Variants in RPAP2 observed in about 807,000 individuals in gnomAD.
RPAP2 encodes the protein RNA polymerase II associated protein 2, also known as putative RNA polymerase II subunit B1 CTD phosphatase RPAP2.
RPAP2 carries 52 observed loss-of-function variants against 73.1 expected under a neutral mutation model. That is an observed-to-expected ratio of 0.71 (90% CI 0.57 to 0.90). The LOEUF (loss-of-function observed/expected upper bound fraction) is 0.90, where lower values mean the gene tolerates loss of function less well. RPAP2 is among the 40% of genes least tolerant of loss of function. The pLI is 0.00. For synonymous variants in RPAP2, 225 were observed against 242.1 expected (o/e 0.93, Z 0.65); for missense variants, 598 against 701.8 (o/e 0.85, Z 1.67).
chr1:92,373,769 A>AAAG (rs1655271978), intron 11 of RPAP2, among the ~76,000 whole-genome samples: 1 of 145,776 alleles, frequency 6.9e-6, no homozygotes, highest in Non-Finnish European at 1.5e-5. Flanking sequence ...AAAAAAAAAA[A>AAAG]AGTAGCCAGG....
At chr1:92,332,149 C>CT (rs1553152142) in intron 8 of RPAP2, among the ~76,000 whole-genome samples, 1 of 151,458 alleles carries the variant, frequency 6.6e-6, no homozygotes, top group Non-Finnish European at 1.5e-5. Flanking sequence ...CTCTTAATCT[C>CT]CTTTGTGCTT....
intron 10 of RPAP2, among the ~76,000 whole-genome samples, chr1:92,340,753 A>G (rs1653550089): frequency 6.6e-6 from 1 of 152,148 alleles, no homozygotes. Context: ...CAGTGAATAG[A>G]GCTGTCTTTT....
Position 92,389,723 on chromosome 1 carries a change from A to G in RPAP2, c.*2712A>G, listed in dbSNP as rs1655981538. ...AAATGACCTGATGGAGCTGAAAACC[A>G]CAGTACGGGAACTTCGTGAAGCATA... On this transcript the variant is annotated 3_prime_UTR_variant, in exon 13 of 13. Transcript: ENST00000610020. The G allele has an allele frequency of 6.6e-6, 1 of 152,232 alleles. No homozygotes were observed. The highest frequency in any genetic ancestry group is 1.5e-5 in the Non-Finnish European group (1 of 68,048). 9.4% of individuals were successfully genotyped at this position (152,232 alleles called of 1,614,324 possible). A position where few individuals can be genotyped will look rare whatever the true frequency, so the allele number is the denominator to read the frequency against.
chr1:92,322,775 G>T lies in RPAP2; in HGVS notation c.525-670G>T, dbSNP rs988100135. ...ACGTGTAATCCCAGCTACTTGGGAG[G>T]CCGAGGTGGGAGAATCGCTTGAACC... On this transcript the variant is annotated intron_variant, in intron 7 of 12. Coordinates refer to ENST00000610020, the MANE Select transcript of RPAP2 (RefSeq NM_024813.3). 4.0e-5 allele frequency among the ~76,000 whole-genome samples: 6 copies of T among 151,676 alleles called. No individual in the cohort carries two copies. In the East Asian group the frequency reaches 1.2e-3, roughly 29 times the overall value.
At chr1:92,343,610 A>T (rs1653718511) in intron 10 of RPAP2, among the ~76,000 whole-genome samples, 1 of 152,214 alleles carries the variant, frequency 6.6e-6, no homozygotes. Flanking sequence ...TAAAGAAAAC[A>T]TTATAATTAA....
chr1:92,341,157 C>T (rs895985863), intron 10 of RPAP2, among the ~76,000 whole-genome samples: 3 of 152,046 alleles, frequency 2.0e-5, no homozygotes, highest in African/African-American at 7.2e-5. Flanking sequence ...TACAGACACA[C>T]ACCAGCATGC....
intron 11 of RPAP2, among the ~76,000 whole-genome samples, chr1:92,354,739 T>C (rs1654379705): frequency 6.6e-6 from 1 of 152,068 alleles, no homozygotes; most frequent in Non-Finnish European, 1.5e-5. Context: ...CATAGTGACA[T>C]ACTTCTTAAT....
intron 11 of RPAP2, among the ~76,000 whole-genome samples, chr1:92,373,739 TAAAAAAAAAAAAAAA>T (rs59586077): frequency 2.5e-5 from 2 of 80,538 alleles, no homozygotes; most frequent in South Asian, 4.5e-4. Context: ...CTACTAAAAA[TAAAAAAAAAAAAAAA>T]AAAAAAAAAA....
intron 11 of RPAP2, among the ~76,000 whole-genome samples, chr1:92,377,544 T>C (rs901432605): frequency 1.8e-4 from 25 of 136,540 alleles, no homozygotes; most frequent in Non-Finnish European, 3.3e-4. Flanking sequence ...AAAAAAAGAA[T>C]TGGGTTGTGT....
At chr1:92,307,131 G>T in intron 5 of RPAP2, 57 bp from the exon 6 acceptor site, 1 of 1,151,782 alleles carries the variant, frequency 8.7e-7, no homozygotes, top group Non-Finnish European at 1.3e-6. Flanking sequence ...ACTCTCAACT[G>T]TATGTAGGTA....
rs548932964 is a variant in RPAP2 at position 92,368,245 on chromosome 1, G to T, written c.1689-12479G>T. Among the ~76,000 whole-genome samples the T allele has an allele frequency of 2.6e-5, 4 of 152,268 alleles. No individual in the cohort carries two copies. The East Asian group carries it at 7.7e-4, about 29-fold the overall frequency. On this transcript the variant is annotated intron_variant, in intron 11 of 12. Transcript: ENST00000610020. ...AATACATAAATTAGCTAGGCGTGGT[G>T]GTGGGCACCTGTAATGCCAGCTACT...
intron 6 of RPAP2, among the ~76,000 whole-genome samples, chr1:92,310,017 C>T (rs1035487690): frequency 3.3e-5 from 5 of 152,088 alleles, no homozygotes; most frequent in African/African-American, 1.2e-4. Flanking sequence ...TTAATCCAAC[C>T]CCTTCATTAA....
intron 11 of RPAP2, among the ~76,000 whole-genome samples, chr1:92,371,660 A>G (rs941534660): frequency 3.3e-5 from 5 of 151,956 alleles, no homozygotes; most frequent in African/African-American, 4.8e-5. Flanking sequence ...AATCTGGAGG[A>G]TGTTAAGTTA....
chr1:92,339,626 GT>G (rs573975404), intron 10 of RPAP2, among the ~76,000 whole-genome samples: 1 of 151,442 alleles, frequency 6.6e-6, no homozygotes, highest in East Asian at 1.9e-4. Flanking sequence ...CTTCACAGTT[GT>G]TTTTTTTCTC....
chr1:92,366,393 C>T (rs1482775441), intron 11 of RPAP2, among the ~76,000 whole-genome samples: 1 of 152,174 alleles, frequency 6.6e-6, no homozygotes, highest in African/African-American at 2.4e-5. Flanking sequence ...TGAAAAACAA[C>T]ATCAATAACA....
At position 92,299,063 on chromosome 1, in the gene RPAP2, T is replaced by C. The variant is rs1650558114; in HGVS notation, c.-11T>C. The C allele has an allele frequency of 2.0e-6, 3 of 1,473,042 alleles. No individual in the cohort carries two copies. The highest frequency in any genetic ancestry group is 2.7e-5 in the East Asian group (1 of 37,282). 91.2% of individuals were successfully genotyped at this position (1,473,042 alleles called of 1,614,324 possible). On this transcript the variant is annotated 5_prime_UTR_variant, in exon 1 of 13. Coordinates refer to ENST00000610020, the MANE Select transcript of RPAP2 (RefSeq NM_024813.3). ...CGGAGCGTGTCCCCGTCCGGCAGAC[T>C]ACTCTCCCCCATGGCGGACTTCGCT...
rs1655999930 is a variant in RPAP2, at chr1:92,390,228, G to A, written c.*3217G>A. 2 of 152,126 alleles carry A rather than the reference G, an allele frequency of 1.3e-5. No homozygotes were observed. Among genetic ancestry groups the A allele is most frequent in the African/African-American group, 4.8e-5 (2 of 41,416 alleles). The allele number at this position is 152,126 out of a possible 1,614,324, so 9.4% of individuals were successfully genotyped here. A position where few individuals can be genotyped will look rare whatever the true frequency, so the allele number is the denominator to read the frequency against. On this transcript the variant is annotated 3_prime_UTR_variant, in exon 13 of 13. Transcript: ENST00000610020. The stretch of plus-strand genomic sequence containing the variant: ...GAAACCCTACAAGCCAGAAGAGAAT[G>A]GGGGCCAATATTCAACATTCTTAAA...
chr1:92,310,845 C>T (rs1247107579), intron 6 of RPAP2, among the ~76,000 whole-genome samples: 1 of 151,750 alleles, frequency 6.6e-6, no homozygotes, highest in Non-Finnish European at 1.5e-5. Context: ...TGCAGTGAGC[C>T]GAGATCACAC....
chr1:92,336,251 C>T, intron 9 of RPAP2, 96 bp from the exon 10 acceptor site: 1 of 755,314 alleles, frequency 1.3e-6, no homozygotes, highest in South Asian at 1.6e-5. Context: ...CATCTAAATG[C>T]CATTATTAGC....
Sources: allele counts gnomAD v4.1 joint callset (sites outside exome capture counted in the v4.1 genomes callset), GRCh38; gene constraint gnomAD v4.1.1; transcripts MANE v1.5; gene names NCBI Gene and HGNC (gene_info 2026-07-23, HGNC 2026-07-21).